EEF1AKMT2: variants seen among roughly 807,000 people sequenced by gnomAD.
The protein encoded by EEF1AKMT2 is eukaryotic translation elongation factor 1 alpha lysine methyltransferase 2.
Under a neutral mutation model 35.8 loss-of-function variants are expected in EEF1AKMT2, and 32 were observed. That is an observed-to-expected ratio of 0.89 (90% CI 0.67 to 1.20). The LOEUF (loss-of-function observed/expected upper bound fraction) is 1.20, where lower values mean the gene tolerates loss of function less well. EEF1AKMT2 is among the 50% of genes most tolerant of loss of function. The pLI is 0.00. For missense variants in EEF1AKMT2, 330 were observed against 347.5 expected, an observed-to-expected ratio of 0.95 and a Z score of 0.40; for synonymous variants, 121 against 133.7, an observed-to-expected ratio of 0.91 and a Z score of 0.65.
At chr10:124,786,886 C>T (rs986736800) in intron 3 of EEF1AKMT2, among the ~76,000 whole-genome samples, 14 of 151,962 alleles carry the variant, frequency 9.2e-5, no homozygotes, top group African/African-American at 3.1e-4. Context: ...TAGCCTCTAC[C>T]AGTAAACTAT....
chr10:124,788,582 G>C lies in EEF1AKMT2; in HGVS notation c.291+461C>G, dbSNP rs760582853. On this transcript the variant is annotated intron_variant, in intron 3 of 6. Transcript: ENST00000368836. ...AAGAGCACACTGCAGGCATACAACAGTGATGGTTTAGCTAGCAGTGGAATG... is the reference window on the plus strand; with the variant it reads ...AAGAGCACACTGCAGGCATACAACACTGATGGTTTAGCTAGCAGTGGAATG... Among the ~76,000 whole-genome samples the C allele has an allele frequency of 3.3e-5, 5 of 151,836 alleles. No homozygotes were observed. In the Middle Eastern group the frequency reaches 0.014, roughly 413 times the overall value.
intron 3 of EEF1AKMT2, among the ~76,000 whole-genome samples, chr10:124,778,734 A>AG (rs931926275): frequency 4.0e-5 from 6 of 151,842 alleles, no homozygotes; most frequent in African/African-American, 7.3e-5. Flanking sequence ...AAAAAAAAAA[A>AG]AAAGAAAAAC....
At chr10:124,776,104 G>A (rs1251638832) in intron 3 of EEF1AKMT2, among the ~76,000 whole-genome samples, 1 of 152,064 alleles carries the variant, frequency 6.6e-6, no homozygotes, top group Non-Finnish European at 1.5e-5. Flanking sequence ...TGTATTTTTA[G>A]TAGAGATGGG....
intron 3 of EEF1AKMT2, among the ~76,000 whole-genome samples, chr10:124,787,551 T>C (rs1450305278): frequency 2.6e-5 from 4 of 151,922 alleles, no homozygotes. Context: ...TCATCTTTTG[T>C]TCATGATTGG....
In EEF1AKMT2 at chr10:124,762,317, C is replaced by A; in HGVS notation, c.858G>T (p.Arg286Ser). ...TCACTTACTAAAATGCCAACGAGGG[C>A]CTGGCATGGTATAATCCCAGCACTT... ...PPKVLGLYHA[R>S]PSLAF The change falls in exon 6 of 7, where the codon AGG becomes AGT. Residue 286 changes from arginine to serine, a missense_variant. By Grantham distance (110) the Arg-to-Ser change is moderately radical (BLOSUM62 -1). Transcript: ENST00000368836. 1 of 1,103,744 alleles carries A rather than the reference C, an allele frequency of 9.1e-7. No homozygotes were observed. The highest frequency in any genetic ancestry group is 2.3e-5 in the South Asian group (1 of 43,168). 68.4% of individuals were successfully genotyped at this position (1,103,744 alleles called of 1,614,324 possible).
At chr10:124,762,174 C>A (rs564331040) in intron 6 of EEF1AKMT2, 126 bp downstream of exon 6, 12 of 711,398 alleles carry the variant, frequency 1.7e-5, no homozygotes, top group East Asian at 9.2e-5. Flanking sequence ...CGCCACCCCA[C>A]GCCATCAAAT....
chr10:124,771,876 A>C (rs886202213), intron 4 of EEF1AKMT2, among the ~76,000 whole-genome samples: 6 of 152,204 alleles, frequency 3.9e-5, no homozygotes, highest in African/African-American at 1.4e-4. Flanking sequence ...CTCAAAAAAA[A>C]ACAAGATTAA....
chr10:124,769,649 T>C (rs1273765849), intron 4 of EEF1AKMT2, among the ~76,000 whole-genome samples: 2 of 152,114 alleles, frequency 1.3e-5, no homozygotes, highest in Non-Finnish European at 2.9e-5. Context: ...TATGTCTTTT[T>C]AAAAAATGGG....
intron 4 of EEF1AKMT2, among the ~76,000 whole-genome samples, chr10:124,768,258 A>G (rs1950397190): frequency 2.0e-5 from 3 of 152,190 alleles, no homozygotes. Context: ...TTACAATGCA[A>G]TGGGGAAGTC....
rs1554918000 is a variant in EEF1AKMT2 at position 124,774,406 on chromosome 10, A to AAAAAAAAAAAAAG, written c.399+268_399+269insCTTTTTTTTTTTT. ...AAAAAAAAAAAAAAAAAAAAAAAAA[A>AAAAAAAAAAAAAG]AAAACCCTTTTGATCTGGTTAATCC... is the stretch of plus-strand genomic sequence containing the variant. On this transcript the variant is annotated intron_variant, in intron 4 of 6. Coordinates refer to ENST00000368836, the MANE Select transcript of EEF1AKMT2 (RefSeq NM_212554.4). Among the ~76,000 whole-genome samples, 36 of 48,506 alleles carry AAAAAAAAAAAAAG rather than the reference A, an allele frequency of 7.4e-4. 10 individuals are homozygous for AAAAAAAAAAAAAG. Among genetic ancestry groups the AAAAAAAAAAAAAG allele is most frequent in the East Asian group, 4.8e-3 (7 of 1,460 alleles). 31.8% of individuals were successfully genotyped at this position (48,506 alleles called of 152,430 possible).
At chr10:124,769,098 G>A (rs868800526) in intron 4 of EEF1AKMT2, among the ~76,000 whole-genome samples, 3 of 149,802 alleles carry the variant, frequency 2.0e-5, no homozygotes, top group Non-Finnish European at 3.0e-5. Context: ...CAGGCCTGTA[G>A]TCCCAGCTAC....
intron 3 of EEF1AKMT2, among the ~76,000 whole-genome samples, chr10:124,784,474 T>A (rs920518807): frequency 1.3e-5 from 2 of 152,154 alleles, no homozygotes; most frequent in Non-Finnish European, 2.9e-5. Flanking sequence ...ATTTGTGGGA[T>A]GCAGCAGTGC....
At position 124,787,830 on chromosome 10, in the gene EEF1AKMT2, T is replaced by C. The variant is rs148939643; in HGVS notation, c.291+1213A>G. Among the ~76,000 whole-genome samples, 77 of 152,276 alleles carry C rather than the reference T, an allele frequency of 5.1e-4. 3 individuals carry two copies. Among genetic ancestry groups the C allele is most frequent in the Admixed American group, 4.8e-3 (73 of 15,292 alleles). ...ATATTTTACATCTTGACCAGGTGAT[T>C]GTTATGTGGATGTATTCACTTTCTG... On this transcript the variant is annotated intron_variant, in intron 3 of 6. Coordinates refer to ENST00000368836, the MANE Select transcript of EEF1AKMT2 (RefSeq NM_212554.4).
Position 124,759,573 on chromosome 10 carries a change from T to A in EEF1AKMT2, c.*930A>T. On this transcript the variant is annotated 3_prime_UTR_variant, in exon 7 of 7. Coordinates refer to ENST00000368836, the MANE Select transcript of EEF1AKMT2 (RefSeq NM_212554.4). ...AATATGCTAGGAGAAGAGTATGTGT[T>A]TTAAAGTCAGACAGACCCAGATAAA... 1 of 152,198 alleles carries A rather than the reference T, an allele frequency of 6.6e-6. No individual in the cohort carries two copies. Among genetic ancestry groups the A allele is most frequent in the East Asian group, 1.9e-4 (1 of 5,202 alleles). The allele number at this position is 152,198 out of a possible 1,614,324, so 9.4% of individuals were successfully genotyped here.
rs533093981 is a variant in EEF1AKMT2 at position 124,759,658 on chromosome 10, T to G, written c.*845A>C. ...AAAAGTGACTTCACTTCTCTCAGCT[T>G]CATTTTCCTTATACGTAGAAACAAG... On this transcript the variant is annotated 3_prime_UTR_variant, in exon 7 of 7. Transcript: ENST00000368836. 5 of 152,234 alleles carry G rather than the reference T, an allele frequency of 3.3e-5. No homozygotes were observed. Among genetic ancestry groups the G allele is most frequent in the Non-Finnish European group, 7.3e-5 (5 of 68,036 alleles). The allele number at this position is 152,234 out of a possible 1,614,324, so 9.4% of individuals were successfully genotyped here. A position where few individuals can be genotyped will look rare whatever the true frequency, so the allele number is the denominator to read the frequency against.
In EEF1AKMT2 at chr10:124,786,430, C is replaced by T. The variant is rs112508697; in HGVS notation, c.291+2613G>A. Among the ~76,000 whole-genome samples the T allele has an allele frequency of 4.4e-3, 666 of 151,204 alleles. 11 individuals are homozygous for T. The highest frequency in any genetic ancestry group is 0.015 in the African/African-American group (624 of 41,152). On this transcript the variant is annotated intron_variant, in intron 3 of 6. Transcript: ENST00000368836. ...CTGAGGCAGGAAAATGGCGTGAATC[C>T]GGGAGGCGGAGCTTGCAGTGAGCCG...
intron 3 of EEF1AKMT2, chr10:124,782,813 C>CAAA (rs35267378): frequency 2.6e-3 from 471 of 179,198 alleles, no homozygotes; most frequent in South Asian, 7.9e-3. Context: ...AACTCTGTCT[C>CAAA]AAAAAAAAAA....
At chr10:124,780,931 A>C (rs1950534029) in intron 3 of EEF1AKMT2, among the ~76,000 whole-genome samples, 2 of 152,144 alleles carry the variant, frequency 1.3e-5, no homozygotes, top group Admixed American at 1.3e-4. Flanking sequence ...GAAAACATGG[A>C]AGTCAAAAAC....
chr10:124,789,350 T>C (rs1275369515), intron 2 of EEF1AKMT2, among the ~76,000 whole-genome samples, 193 bp from the exon 3 acceptor site: 1 of 152,236 alleles, frequency 6.6e-6, no homozygotes, highest in African/African-American at 2.4e-5. Flanking sequence ...ACAAGGTCAG[T>C]ATGTTATTTA....
Sources: gnomAD v4.1 joint callset for allele counts (sites outside exome capture counted in the v4.1 genomes callset) on GRCh38, gnomAD v4.1.1 for gene constraint, MANE v1.5 for transcripts, NCBI Gene and HGNC (gene_info 2026-07-23, HGNC 2026-07-21) for gene names.